The following FOLH1 variants were observed in gnomAD, a reference collection of about 807,000 sequenced individuals.
The protein encoded by FOLH1 is folate hydrolase 1.
In FOLH1, 54 loss-of-function variants were observed where a neutral mutation model predicts 93.9. That is an observed-to-expected ratio of 0.57 (90% CI 0.46 to 0.72). FOLH1 has a LOEUF of 0.72. Among genes scored for constraint, FOLH1 ranks in the 30% least tolerant of loss-of-function variants. The pLI is 0.00. For missense variants in FOLH1, 571 were observed against 892.5 expected (o/e 0.64, Z 4.59); for synonymous variants, 249 against 303.6 (o/e 0.82, Z 1.87).
intron 3 of FOLH1, among the ~76,000 whole-genome samples, 153 bp from the exon 4 acceptor site, chr11:49,193,047 C>T (rs1862245500): frequency 6.6e-6 from 1 of 152,112 alleles, no homozygotes; most frequent in South Asian, 2.1e-4. Context: ...CAGCACTATG[C>T]TAGAAGTTGT....
At chr11:49,192,479 C>G (rs769108832) in intron 4 of FOLH1, among the ~76,000 whole-genome samples, 11 of 152,176 alleles carry the variant, frequency 7.2e-5, no homozygotes, top group Non-Finnish European at 2.9e-5. Context: ...CATAAGGGAA[C>G]TTTCTGAAGT....
rs777155090 is a variant in FOLH1, at chr11:49,185,762, C to T, written c.733G>A (p.Gly245Ser). 7.4e-6 allele frequency: 12 copies of T among 1,612,014 alleles called. No homozygotes were observed. Among genetic ancestry groups the T allele is most frequent in the South Asian group, 1.1e-5 (1 of 90,702 alleles). Residue 245 changes from glycine (G) to serine (S), a missense_variant, in exon 6 of 19, where the codon GGT (glycine) becomes AGT (serine). Physicochemically the swap from Gly to Ser is moderately conservative, Grantham distance 56 (BLOSUM62 0). Transcript: ENST00000256999. Reference protein sequence around the residue: ...FAPGVKSYPDGWNLPGGGVQR... With the variant: ...FAPGVKSYPDSWNLPGGGVQR... The stretch of plus-strand genomic sequence containing the variant: ...ACACCACCTCCAGGAAGATTCCAAC[C>T]ATCTGGATAGGACTTCACCCCAGGA...
chr11:49,179,425 G>A (rs1411566166), intron 7 of FOLH1, among the ~76,000 whole-genome samples: 1 of 151,974 alleles, frequency 6.6e-6, no homozygotes, highest in Non-Finnish European at 1.5e-5. Flanking sequence ...CACAATAAAA[G>A]GAATTTAGCA....
intron 2 of FOLH1, among the ~76,000 whole-genome samples, chr11:49,201,433 A>T (rs1193291688): frequency 1.3e-5 from 2 of 150,810 alleles, no homozygotes; most frequent in African/African-American, 2.4e-5. Flanking sequence ...ATGTATTTTA[A>T]TTTTTTTTAT....
chr11:49,198,250 G>A (rs1862847120), intron 3 of FOLH1, among the ~76,000 whole-genome samples: 2 of 152,104 alleles, frequency 1.3e-5, no homozygotes, highest in African/African-American at 2.4e-5. Context: ...GGGAGGCCGA[G>A]GCGGGTGGAT....
At chr11:49,150,442 A>T (rs7945448) in intron 17 of FOLH1, among the ~76,000 whole-genome samples, 5,411 of 152,148 alleles carry the variant, frequency 0.036, 124 homozygotes, top group Non-Finnish European at 0.055. Context: ...TATAGGCAAG[A>T]TTTTCTTCAC....
chr11:49,163,442 A>T (rs940526978), intron 13 of FOLH1, among the ~76,000 whole-genome samples: 5 of 151,616 alleles, frequency 3.3e-5, no homozygotes, highest in African/African-American at 9.7e-5. Flanking sequence ...TAAAGGTGGG[A>T]ATGGCTAAGC....
At chr11:49,166,274 T>C (rs1565154239) in intron 12 of FOLH1, among the ~76,000 whole-genome samples, 1 of 152,166 alleles carries the variant, frequency 6.6e-6, no homozygotes, top group Non-Finnish European at 1.5e-5. Context: ...TGAGAGACAA[T>C]AGAGTGTAGT....
chr11:49,199,931 A>C (rs1863088771), intron 3 of FOLH1, among the ~76,000 whole-genome samples: 1 of 152,104 alleles, frequency 6.6e-6, no homozygotes, highest in Non-Finnish European at 1.5e-5. Flanking sequence ...AAAAGAAAAA[A>C]AGAATCTCTT....
At chr11:49,173,257 C>G (rs1397226053) in intron 10 of FOLH1, 100 bp downstream of exon 10, 3 of 1,222,784 alleles carry the variant, frequency 2.5e-6, no homozygotes, top group African/African-American at 1.5e-5. Flanking sequence ...TTTTACCAAA[C>G]ACATGTAATG....
chr11:49,169,766 G>T (rs984693733), intron 11 of FOLH1, among the ~76,000 whole-genome samples: 5 of 152,082 alleles, frequency 3.3e-5, no homozygotes, highest in African/African-American at 1.2e-4. Context: ...CCTGTAGGAT[G>T]GTACCATCTC....
At chr11:49,194,533 T>A (rs1862422155) in intron 3 of FOLH1, among the ~76,000 whole-genome samples, 1 of 152,046 alleles carries the variant, frequency 6.6e-6, no homozygotes. Flanking sequence ...GTTTCTATAT[T>A]GTAGAAATAT....
At chr11:49,158,244 T>C (rs1214017997) in intron 13 of FOLH1, among the ~76,000 whole-genome samples, 3 of 152,118 alleles carry the variant, frequency 2.0e-5, no homozygotes, top group African/African-American at 7.2e-5. Context: ...TGAACTATAT[T>C]ATAAAAATAA....
At chr11:49,149,507 A>C (rs998793255) in intron 17 of FOLH1, among the ~76,000 whole-genome samples, 2 of 152,212 alleles carry the variant, frequency 1.3e-5, no homozygotes, top group Non-Finnish European at 2.9e-5. Flanking sequence ...ATAGGCAATT[A>C]TATAAAATAG....
intron 7 of FOLH1, among the ~76,000 whole-genome samples, chr11:49,182,253 C>T (rs184448587): frequency 0.017 from 2,272 of 134,056 alleles, 56 homozygotes; most frequent in African/African-American, 0.06. Flanking sequence ...CACTTGAACC[C>T]AGGAGGCGGG....
chr11:49,155,226 G>T (rs1252750857), intron 15 of FOLH1, among the ~76,000 whole-genome samples: 21 of 152,070 alleles, frequency 1.4e-4, no homozygotes, highest in Non-Finnish European at 4.4e-5. Flanking sequence ...TAGGCTTCAG[G>T]ACTTACTACC....
At chr11:49,207,470 G>A (rs1281496833) in intron 1 of FOLH1, among the ~76,000 whole-genome samples, 1 of 152,184 alleles carries the variant, frequency 6.6e-6, no homozygotes, top group Non-Finnish European at 1.5e-5. Flanking sequence ...TCCCGAAAGA[G>A]GGTCAAGAAT....
chr11:49,165,505 C>T (rs767272440), intron 12 of FOLH1, among the ~76,000 whole-genome samples: 4 of 152,308 alleles, frequency 2.6e-5, no homozygotes, highest in Non-Finnish European at 5.9e-5. Flanking sequence ...GAAGCCAACA[C>T]AGCACAGGGA....
chr11:49,203,438 G>T (rs189337460), intron 2 of FOLH1, among the ~76,000 whole-genome samples: 1 of 152,274 alleles, frequency 6.6e-6, no homozygotes, highest in African/African-American at 2.4e-5. Flanking sequence ...CAGAACAAAA[G>T]ATTTTAAAGG....
Sources: gnomAD v4.1 joint callset for allele counts (sites outside exome capture counted in the v4.1 genomes callset) on GRCh38, gnomAD v4.1.1 for gene constraint, MANE v1.5 for transcripts, NCBI Gene and HGNC (gene_info 2026-07-23, HGNC 2026-07-21) for gene names.